The following MFNG variants were observed in gnomAD, a reference collection of about 807,000 sequenced individuals.
MFNG encodes beta-1,3-N-acetylglucosaminyltransferase manic fringe.
Under a neutral mutation model 34.2 loss-of-function variants are expected in MFNG, and 24 were observed. The ratio of observed to expected loss-of-function variants is 0.70; its 90% CI spans 0.51 to 0.99. MFNG has a LOEUF of 0.99. Ranked by LOEUF, MFNG falls within the 50% of genes least tolerant of loss-of-function variation. The pLI is 0.00. For synonymous variants in MFNG, 158 were observed against 179.2 expected, an observed-to-expected ratio of 0.88 and a Z score of 0.94; for missense variants, 383 against 424.0, an observed-to-expected ratio of 0.90 and a Z score of 0.85.
At chr22:37,473,773 G>T (rs991238123) in intron 6 of MFNG, among the ~76,000 whole-genome samples, 1 of 152,248 alleles carries the variant, frequency 6.6e-6, no homozygotes, top group Non-Finnish European at 1.5e-5. Flanking sequence ...GCCCACCTGA[G>T]GATGGGCCAA....
At chr22:37,475,140 A>C (rs1469477256) in intron 5 of MFNG, among the ~76,000 whole-genome samples, 1 of 152,166 alleles carries the variant, frequency 6.6e-6, no homozygotes, top group Non-Finnish European at 1.5e-5. Flanking sequence ...GTCAGAGGGA[A>C]GCATGCTGCC....
chr22:37,472,560 T>C, intron 6 of MFNG, 32 bp from the exon 7 acceptor site: 1 of 1,541,838 alleles, frequency 6.5e-7, no homozygotes, highest in South Asian at 1.2e-5. Context: ...TGTTGGGGCA[T>C]CACACTGGGG....
intron 2 of MFNG, 127 bp downstream of exon 2, chr22:37,480,594 G>A (rs1922250623): frequency 1.1e-6 from 1 of 913,622 alleles, no homozygotes; most frequent in Admixed American, 2.2e-5. Flanking sequence ...CCTGGGCAAA[G>A]GGGAATCTCC....
At chr22:37,475,662 TCCAGCCTGTACTCCCCTCC>T (rs1304224488) in intron 5 of MFNG, among the ~76,000 whole-genome samples, 10 of 151,872 alleles carry the variant, frequency 6.6e-5, no homozygotes, top group Non-Finnish European at 1.2e-4. Context: ...GGTGTGGAAA[TCCAGCCTGTACTCCCCTCC>T]CCAGCCTGCA....
At position 37,485,274 on chromosome 22, in the gene MFNG, T is replaced by C. The variant is rs1024236874; in HGVS notation, c.255+649A>G. 2.6e-4 allele frequency among the ~76,000 whole-genome samples: 39 copies of C among 152,118 alleles called. No individual in the cohort carries two copies. The highest frequency in any genetic ancestry group is 1.9e-4 in the East Asian group (1 of 5,172). On this transcript the variant is annotated intron_variant, in intron 1 of 7. Coordinates refer to ENST00000356998, the MANE Select transcript of MFNG (RefSeq NM_002405.4). This position sits in a 1 kb window ranked among gnomAD's most constrained non-coding sequence, Gnocchi z 5.3. The stretch of plus-strand genomic sequence containing the variant: ...TGCCTCAGCCGCCACCCTCGTGGCA[T>C]GCGCTCTCCTTCCCTCCCTCGGAAG...
chr22:37,471,272 C>T (rs1215167357), intron 7 of MFNG, among the ~76,000 whole-genome samples: 1 of 152,226 alleles, frequency 6.6e-6, no homozygotes, highest in Non-Finnish European at 1.5e-5. Context: ...AGTTCCCAGA[C>T]CCATTGCATG....
In MFNG at chr22:37,486,043, G is replaced by C; in HGVS notation, c.135C>G (p.Asn45Lys). The C allele has an allele frequency of 1.2e-6, 2 of 1,614,004 alleles. No homozygotes were observed. Among genetic ancestry groups the C allele is most frequent in the Non-Finnish European group, 1.7e-6 (2 of 1,179,972 alleles). The change falls in exon 1 of 8, where the codon AAC (asparagine) becomes AAG (lysine). Residue 45 changes from asparagine to lysine, a missense_variant. By Grantham distance (94) the Asn-to-Lys change is moderately conservative. Transcript: ENST00000356998. Reference sequence around the variant, plus strand: ...GTAGCTGTAGCTTAGGGGGCCCCGGGTTCGGCTGGCTCAGCTCGGGGGTCC... The same window carrying C: ...GTAGCTGTAGCTTAGGGGGCCCCGGCTTCGGCTGGCTCAGCTCGGGGGTCC... ...VQGTPELSQP[N>K]PGPPKLQLHD... is the part of the protein sequence containing the mutation.
intron 5 of MFNG, 130 bp from the exon 6 acceptor site, chr22:37,474,807 A>T (rs1601795062): frequency 2.0e-6 from 2 of 993,298 alleles, no homozygotes; most frequent in Non-Finnish European, 1.4e-6. Flanking sequence ...ATACTGTATG[A>T]CCTTGAGCAA....
intron 2 of MFNG, 146 bp downstream of exon 2, chr22:37,480,575 C>T (rs1321791942): frequency 6.2e-6 from 5 of 800,748 alleles, no homozygotes; most frequent in Non-Finnish European, 6.1e-6. Context: ...GGAAGAGGCC[C>T]ACTTCCCTCC....
chr22:37,479,799 T>C (rs138366769), intron 3 of MFNG, among the ~76,000 whole-genome samples: 1,608 of 151,814 alleles, frequency 0.011, 38 homozygotes, highest in African/African-American at 0.037. Context: ...AGGTCAGGAG[T>C]TCGAGACCAG....
chr22:37,485,617 G>A lies in MFNG; in HGVS notation c.255+306C>T, dbSNP rs754740646. On this transcript the variant is annotated intron_variant, in intron 1 of 7. Coordinates refer to ENST00000356998, the MANE Select transcript of MFNG (RefSeq NM_002405.4). This position sits in a 1 kb window ranked among gnomAD's most constrained non-coding sequence, Gnocchi z 5.3. ...CTAGGAGCGAAGCCCCCACGGGAGCGGCTAGGAATAGAAGAACCCCCAGGA... is the reference window on the plus strand; with the variant it reads ...CTAGGAGCGAAGCCCCCACGGGAGCAGCTAGGAATAGAAGAACCCCCAGGA... 1.3e-5 allele frequency among the ~76,000 whole-genome samples: 2 copies of A among 152,130 alleles called. No individual in the cohort carries two copies. Among genetic ancestry groups the A allele is most frequent in the Non-Finnish European group, 1.5e-5 (1 of 68,010 alleles).
At position 37,480,734 on chromosome 22, in the gene MFNG, G is replaced by A; in HGVS notation, c.291C>T (p.Leu97=). 6.2e-7 allele frequency: 1 copy of A among 1,613,684 alleles called. No homozygotes were observed. The highest frequency in any genetic ancestry group is 2.2e-5 in the East Asian group (1 of 44,880). ...GGGCAGAGTTACCCAGTCTCTCCTG[G>A]AGGCCTTTGTCTGGGCTGTCGGTGA... ...FVFTDSPDKG[L]QERLGSHLVV... is the part of the protein sequence containing the mutation. The change falls in exon 2 of 8, where the codon CTC becomes CTT. Residue 97 remains leucine (L), a synonymous_variant. Coordinates refer to ENST00000356998, the MANE Select transcript of MFNG (RefSeq NM_002405.4).
intron 7 of MFNG, among the ~76,000 whole-genome samples, chr22:37,471,940 C>A (rs563024870): frequency 6.6e-6 from 1 of 151,612 alleles, no homozygotes; most frequent in South Asian, 2.1e-4. Context: ...CAGTCAGGAG[C>A]GGATTTGGGT....
chr22:37,478,259 C>A (rs546679534), intron 4 of MFNG, among the ~76,000 whole-genome samples: 1 of 152,130 alleles, frequency 6.6e-6, no homozygotes, highest in East Asian at 1.9e-4. Flanking sequence ...CTGCACCAGG[C>A]ACTGCCTCTA....
At chr22:37,477,135 C>A (rs1922079758) in intron 4 of MFNG, among the ~76,000 whole-genome samples, 154 bp from the exon 5 acceptor site, 1 of 152,212 alleles carries the variant, frequency 6.6e-6, no homozygotes, top group Non-Finnish European at 1.5e-5. Context: ...CATTATTGCA[C>A]CCATTCTATA....
chr22:37,480,646 G>A, intron 2 of MFNG, 75 bp downstream of exon 2: 1 of 1,433,672 alleles, frequency 7.0e-7, no homozygotes, highest in Non-Finnish European at 9.7e-7. Flanking sequence ...GAACCCTCAG[G>A]CCAGGGCACA....
Position 37,485,844 on chromosome 22 carries a change from C to T in MFNG, c.255+79G>A. 1 of 1,504,204 alleles carries T rather than the reference C, an allele frequency of 6.6e-7. No homozygotes were observed. Among genetic ancestry groups the T allele is most frequent in the South Asian group, 1.3e-5 (1 of 76,756 alleles). The allele number at this position is 1,504,204 out of a possible 1,614,324, so 93.2% of individuals were successfully genotyped here. A position where few individuals can be genotyped will look rare whatever the true frequency, so the allele number is the denominator to read the frequency against. On this transcript the variant is annotated intron_variant, in intron 1 of 7. Transcript: ENST00000356998. The surrounding 1 kb of genome is among the most constrained non-coding windows in gnomAD (Gnocchi z 5.3). ...GCTTCTCCCATGAGGCAGTCAGGGACCCCAGCCCAGTAGAAAGGCCTCTGA... is the reference window on the plus strand; with the variant it reads ...GCTTCTCCCATGAGGCAGTCAGGGATCCCAGCCCAGTAGAAAGGCCTCTGA...
chr22:37,470,071 T>C (rs1921740247), intron 7 of MFNG, 42 bp from the exon 8 acceptor site: 1 of 1,486,418 alleles, frequency 6.7e-7, no homozygotes, highest in African/African-American at 1.4e-5. Flanking sequence ...CACCCCCCAC[T>C]TCTGCTCTCA....
At chr22:37,475,310 G>A (rs899558784) in intron 5 of MFNG, among the ~76,000 whole-genome samples, 9 of 152,112 alleles carry the variant, frequency 5.9e-5, no homozygotes, top group South Asian at 2.1e-4. Flanking sequence ...TGCAATCTCC[G>A]CCTCCTGGGT....
Sources: gnomAD v4.1 joint callset for allele counts (sites outside exome capture counted in the v4.1 genomes callset) on GRCh38, gnomAD v4.1.1 for gene constraint, Gnocchi (gnomAD v3.1) non-coding constraint, MANE v1.5 for transcripts, NCBI Gene and HGNC (gene_info 2026-07-23, HGNC 2026-07-21) for gene names.